PELO: variants seen among roughly 807,000 people sequenced by gnomAD.
PELO encodes the protein pelota mRNA surveillance and ribosome rescue factor, also known as protein pelota homolog.
PELO carries 19 observed loss-of-function variants against 25.9 expected under a neutral mutation model. The observed-to-expected ratio is 0.73, with a 90% CI of 0.51 to 1.08. The LOEUF (loss-of-function observed/expected upper bound fraction) is 1.08. PELO is among the 50% of genes least tolerant of loss of function. The pLI is 0.00. For synonymous variants in PELO, 196 were observed against 192.2 expected (o/e 1.02, Z -0.16); for missense variants, 498 against 491.4 (o/e 1.01, Z -0.13).
At chr5:52,795,731 C>G (rs1054036003) in intron 1 of PELO, among the ~76,000 whole-genome samples, 1 of 151,872 alleles carries the variant, frequency 6.6e-6, no homozygotes, top group Non-Finnish European at 1.5e-5. Context: ...AGCTTCAAGC[C>G]AGGCATTTTT....
In PELO at chr5:52,801,640, C is replaced by CA. The variant is rs1748488352; in HGVS notation, c.959dup (p.His320GlnfsTer25). The CA allele has an allele frequency of 6.2e-7, 1 of 1,613,978 alleles. No individual in the cohort carries two copies. Among genetic ancestry groups the CA allele is most frequent in the African/African-American group, 1.3e-5 (1 of 74,904 alleles). On this transcript the variant is annotated frameshift_variant, in exon 3 of 3. Transcript: ENST00000274311. LOFTEE classifies it high-confidence loss of function. The stretch of plus-strand genomic sequence containing the variant: ...GCTCATCAGCGATGAGCTCTTCAGG[C>CA]ATCAGGATGTAGCCACACGGAGCCG...
chr5:52,799,456 T>C (rs1180579116), intron 1 of PELO, among the ~76,000 whole-genome samples: 1 of 152,190 alleles, frequency 6.6e-6, no homozygotes, highest in African/African-American at 2.4e-5. Flanking sequence ...CTGCCAACTT[T>C]GGAGCCTAGG....
In PELO at chr5:52,800,073, A is replaced by G. The variant is rs1420922035; in HGVS notation, c.-322A>G. 9.1e-6 allele frequency: 3 copies of G among 329,866 alleles called. No individual in the cohort carries two copies. The East Asian group carries it at 2.1e-4, about 24-fold the overall frequency. 20.4% of individuals were successfully genotyped at this position (329,866 alleles called of 1,614,324 possible). A position where few individuals can be genotyped will look rare whatever the true frequency, so the allele number is the denominator to read the frequency against. ...CGGGAGACGTGCGTCGGGTCGCGGG[A>G]CGGGGGCTGCGCATGCGCCTTCATT... On this transcript the variant is annotated 5_prime_UTR_variant, in exon 2 of 3. Coordinates refer to ENST00000274311, the MANE Select transcript of PELO (RefSeq NM_015946.5).
rs1466179130 is a variant in PELO, at chr5:52,803,932, G to C, written c.*2092G>C. On this transcript the variant is annotated 3_prime_UTR_variant, in exon 3 of 3. Coordinates refer to ENST00000274311, the MANE Select transcript of PELO (RefSeq NM_015946.5). ...GTCAGGAAAAAGATTTGAGTATTAA[G>C]GTCTTTCAAAAAAGTTAACTGGCCA... is the stretch of plus-strand genomic sequence containing the variant. 6.6e-6 allele frequency: 1 copy of C among 151,958 alleles called. No individual in the cohort carries two copies. Among genetic ancestry groups the C allele is most frequent in the Non-Finnish European group, 1.5e-5 (1 of 67,968 alleles). 9.4% of individuals were successfully genotyped at this position (151,958 alleles called of 1,614,324 possible).
rs753550497 is a variant in PELO, at chr5:52,800,772, G to T, written c.378G>T (p.Glu126Asp). ...ATAGTGTGGTACTGGAGCGCATCGA[G>T]CAGGCCTGTGACCCAGCCTGGAGCG... is the stretch of plus-strand genomic sequence containing the variant. Reference protein sequence around the residue: ...QWDSVVLERIEQACDPAWSAD... With the variant: ...QWDSVVLERIDQACDPAWSAD... The change falls in exon 2 of 3, where the codon GAG becomes GAT. Residue 126 changes from glutamate (E) to aspartate (D), a missense_variant. Coordinates refer to ENST00000274311, the MANE Select transcript of PELO (RefSeq NM_015946.5). 48 of 1,614,032 alleles carry T rather than the reference G, an allele frequency of 3.0e-5. No homozygotes were observed. The highest frequency in any genetic ancestry group is 4.0e-5 in the Non-Finnish European group (47 of 1,180,000).
At position 52,803,091 on chromosome 5, in the gene PELO, TA is replaced by T. The variant is rs1404499085; in HGVS notation, c.*1252del. The T allele has an allele frequency of 2.6e-5, 4 of 152,216 alleles. No individual in the cohort carries two copies. Among genetic ancestry groups the T allele is most frequent in the African/African-American group, 9.7e-5 (4 of 41,450 alleles). 9.4% of individuals were successfully genotyped at this position (152,216 alleles called of 1,614,324 possible). ...TTTTAACTGCTGGATCAGCGACGCC[TA>T]TTTCAAGTAGTGATACTAACTAAAC... On this transcript the variant is annotated 3_prime_UTR_variant, in exon 3 of 3. Coordinates refer to ENST00000274311, the MANE Select transcript of PELO (RefSeq NM_015946.5).
Position 52,788,123 on chromosome 5 carries a change from C to A in PELO, c.-802C>A, listed in dbSNP as rs1243499348. 2 of 432,250 alleles carry A rather than the reference C, an allele frequency of 4.6e-6. No individual in the cohort carries two copies. The highest frequency in any genetic ancestry group is 8.2e-6 in the Non-Finnish European group (2 of 242,948). 26.8% of individuals were successfully genotyped at this position (432,250 alleles called of 1,614,324 possible). ...TTCAGAGACCAAGAGCGCGAAGGGG[C>A]GGGCGATGTGGCAATCCGTCTGGGA... is the stretch of plus-strand genomic sequence containing the variant. On this transcript the variant is annotated 5_prime_UTR_variant, in exon 1 of 3. Coordinates refer to ENST00000274311, the MANE Select transcript of PELO (RefSeq NM_015946.5).
chr5:52,800,381 C>T lies in PELO; in HGVS notation c.-14C>T. ...TGGTTCCTTTGGTTCTGTCAGTGAG[C>T]CCCTTCCTTGGCCATGAAGCTCGTG... On this transcript the variant is annotated 5_prime_UTR_variant, in exon 2 of 3. Coordinates refer to ENST00000274311, the MANE Select transcript of PELO (RefSeq NM_015946.5). The T allele has an allele frequency of 1.2e-6, 2 of 1,613,316 alleles. No homozygotes were observed. Among genetic ancestry groups the T allele is most frequent in the Non-Finnish European group, 1.7e-6 (2 of 1,179,892 alleles).
chr5:52,801,647 A>T lies in PELO; in HGVS notation c.965A>T (p.Asp322Val), dbSNP rs1230918995. 9 of 1,614,016 alleles carry T rather than the reference A, an allele frequency of 5.6e-6. No individual in the cohort carries two copies. Among genetic ancestry groups the T allele is most frequent in the East Asian group, 2.2e-5 (1 of 44,888 alleles). Residue 322 changes from aspartate (D) to valine (V), a missense_variant, in exon 3 of 3, where the codon GAT becomes GTT. Asp to Val is a radical substitution (Grantham distance 152, BLOSUM62 -3). Transcript: ENST00000274311. ...AGCGATGAGCTCTTCAGGCATCAGG[A>T]TGTAGCCACACGGAGCCGGTATGTG... ...LISDELFRHQ[D>V]VATRSRYVRL...
Position 52,788,209 on chromosome 5 carries a change from C to G in PELO, c.-716C>G, listed in dbSNP as rs1431769936. 5 of 533,248 alleles carry G rather than the reference C, an allele frequency of 9.4e-6. No homozygotes were observed. In the East Asian group the frequency reaches 1.4e-4, roughly 15 times the overall value. 33.0% of individuals were successfully genotyped at this position (533,248 alleles called of 1,614,324 possible). On this transcript the variant is annotated 5_prime_UTR_variant, in exon 1 of 3. Transcript: ENST00000274311. The stretch of plus-strand genomic sequence containing the variant: ...CGAAAACACAGGAAATCACTCCTCT[C>G]CCGCTCCTGGGCGCCGCTGCCACTG...
chr5:52,796,022 A>G (rs1748334795), intron 1 of PELO, among the ~76,000 whole-genome samples: 1 of 152,010 alleles, frequency 6.6e-6, no homozygotes, highest in Admixed American at 6.6e-5. Context: ...AGCACGCAAA[A>G]TTGAAAACAA....
intron 1 of PELO, among the ~76,000 whole-genome samples, chr5:52,796,023 T>C (rs2111650573): frequency 6.6e-6 from 1 of 152,056 alleles, no homozygotes; most frequent in South Asian, 2.1e-4. Flanking sequence ...GCACGCAAAA[T>C]TGAAAACAAA....
rs1748467407 is a variant in PELO at position 52,800,985 on chromosome 5, A to G, written c.591A>G (p.Ile197Met). 6.2e-7 allele frequency: 1 copy of G among 1,614,174 alleles called. No individual in the cohort carries two copies. Among genetic ancestry groups the G allele is most frequent in the Non-Finnish European group, 8.5e-7 (1 of 1,180,024 alleles). Residue 197 changes from isoleucine to methionine, a missense_variant, in exon 2 of 3, where the codon ATA becomes ATG. Transcript: ENST00000274311. ...EQVVQAIQRH[I>M]HFDVVKCILV... Reference sequence around the variant, plus strand: ...TGGTCCAGGCTATCCAGCGCCACATACACTTTGATGTTGTAAAGTGCATCC... The same window carrying G: ...TGGTCCAGGCTATCCAGCGCCACATGCACTTTGATGTTGTAAAGTGCATCC...
rs1405225661 is a variant in PELO at position 52,801,067 on chromosome 5, G to A, written c.673G>A (p.Ala225Thr). 4 of 1,613,152 alleles carry A rather than the reference G, an allele frequency of 2.5e-6. No homozygotes were observed. The highest frequency in any genetic ancestry group is 1.7e-5 in the Admixed American group (1 of 59,848). Residue 225 changes from alanine (A) to threonine (T), a missense_variant, in exon 2 of 3, where the codon GCA becomes ACA. Transcript: ENST00000274311. Reference protein sequence around the residue: ...EQFCDYLFQQAVKTDNKLLLE... With the variant: ...EQFCDYLFQQTVKTDNKLLLE... ...GTTCTGCGACTACCTGTTTCAACAAGCAGTGAAGACCGACAACAAACTGCT... is the reference window on the plus strand; with the variant it reads ...GTTCTGCGACTACCTGTTTCAACAAACAGTGAAGACCGACAACAAACTGCT...
At chr5:52,798,174 T>C (rs1338815993) in intron 1 of PELO, among the ~76,000 whole-genome samples, 1 of 152,242 alleles carries the variant, frequency 6.6e-6, no homozygotes, top group African/African-American at 2.4e-5. Flanking sequence ...ATTAGTTCTT[T>C]GCTTAGTGAA....
Position 52,800,869 on chromosome 5 carries a change from A to T in PELO, c.475A>T (p.Thr159Ser). The change falls in exon 2 of 3, where the codon ACT becomes TCT. Residue 159 changes from threonine to serine, a missense_variant. Thr to Ser is a moderately conservative substitution (Grantham distance 58). Coordinates refer to ENST00000274311, the MANE Select transcript of PELO (RefSeq NM_015946.5). ...ICLVTPSMTL[T>S]RAKVEVNIPR... ...CTTAGTCACTCCCAGCATGACCCTC[A>T]CTCGGGCCAAGGTGGAGGTGAACAT... The T allele has an allele frequency of 6.2e-7, 1 of 1,611,128 alleles. No individual in the cohort carries two copies. The highest frequency in any genetic ancestry group is 8.5e-7 in the Non-Finnish European group (1 of 1,178,138).
intron 1 of PELO, among the ~76,000 whole-genome samples, chr5:52,788,772 T>A (rs888336570): frequency 6.6e-6 from 1 of 152,118 alleles, no homozygotes; most frequent in African/African-American, 2.4e-5. Flanking sequence ...TGGCATGGGA[T>A]GGGAGGGTGA....
rs1374059100 is a variant in PELO, at chr5:52,801,447, G to T, written c.765G>T (p.Glu255Asp). ...CCGGACACAAGTACTCCCTGAAAGA[G>T]GCCCTTTGTGACCCTACTGTGGCTA... Reference protein sequence around the residue: ...ASSGHKYSLKEALCDPTVASR... With the variant: ...ASSGHKYSLKDALCDPTVASR... Residue 255 changes from glutamate to aspartate, a missense_variant, in exon 3 of 3, where the codon GAG (glutamate) becomes GAT (aspartate). By Grantham distance (45) the Glu-to-Asp change is conservative. Coordinates refer to ENST00000274311, the MANE Select transcript of PELO (RefSeq NM_015946.5). 1 of 1,613,958 alleles carries T rather than the reference G, an allele frequency of 6.2e-7. No individual in the cohort carries two copies. The highest frequency in any genetic ancestry group is 8.5e-7 in the Non-Finnish European group (1 of 1,179,976).
intron 1 of PELO, 57 bp downstream of exon 1, chr5:52,788,471 G>A (rs2111633100): frequency 2.9e-6 from 4 of 1,356,958 alleles, no homozygotes; most frequent in Non-Finnish European, 3.9e-6. Flanking sequence ...GGCTTGGAGC[G>A]GGGAGGGAGG....
Sources: gnomAD v4.1 joint callset for allele counts (sites outside exome capture counted in the v4.1 genomes callset) on GRCh38, gnomAD v4.1.1 for gene constraint, MANE v1.5 for transcripts, NCBI Gene and HGNC (gene_info 2026-07-23, HGNC 2026-07-21) for gene names.